SYTL3: variants seen among roughly 807,000 people sequenced by gnomAD.
The protein encoded by SYTL3 is synaptotagmin like 3.
In SYTL3, 88 loss-of-function variants were observed where a neutral mutation model predicts 82.1. That is an observed-to-expected ratio of 1.07 (90% CI 0.90 to 1.28). The LOEUF (loss-of-function observed/expected upper bound fraction) is 1.28. SYTL3 is among the 50% of genes most tolerant of loss of function. The pLI is 0.00. For synonymous variants in SYTL3, 311 were observed against 289.4 expected (o/e 1.07, Z -0.76); for missense variants, 831 against 757.6 (o/e 1.10, Z -1.14).
At chr6:158,670,969 A>AT (rs1050885920) in intron 5 of SYTL3, among the ~76,000 whole-genome samples, 2 of 150,992 alleles carry the variant, frequency 1.3e-5, no homozygotes, top group Non-Finnish European at 3.0e-5. Context: ...AGCCCGGCTA[A>AT]TTTTTTTTGT....
rs74371665 is a variant in SYTL3 at position 158,677,961 on chromosome 6, C to G, written c.330-4964C>G. On this transcript the variant is annotated intron_variant, in intron 5 of 17. Transcript: ENST00000611299. ...CTGGAGTGCAGTGGTACAATCTTGG[C>G]TCACTGTAAATTCCACCTCCTGGGC... is the stretch of plus-strand genomic sequence containing the variant. Among the ~76,000 whole-genome samples, 1,096 of 152,218 alleles carry G rather than the reference C, an allele frequency of 7.2e-3. 8 individuals carry two copies. Among genetic ancestry groups the G allele is most frequent in the African/African-American group, 0.025 (1,018 of 41,538 alleles).
rs1782197558 is a variant in SYTL3 at position 158,707,211 on chromosome 6, C to G, written c.395-19C>G. The stretch of plus-strand genomic sequence containing the variant: ...TGCTATTCTTAATAATAAACGCCCT[C>G]TATGGATATCTCTCGCAGGCAAACA... On this transcript the variant is annotated intron_variant, in intron 6 of 17. Transcript: ENST00000611299. The G allele has an allele frequency of 1.9e-6, 3 of 1,613,350 alleles. No homozygotes were observed. Among genetic ancestry groups the G allele is most frequent in the Admixed American group, 1.7e-5 (1 of 60,020 alleles).
chr6:158,675,464 A>G (rs935094), intron 5 of SYTL3, among the ~76,000 whole-genome samples: 64,003 of 152,060 alleles, frequency 0.42, 16,093 homozygotes, highest in African/African-American at 0.71. Context: ...CAATTGAGCT[A>G]GTGGAAAAAA....
intron 6 of SYTL3, among the ~76,000 whole-genome samples, chr6:158,694,349 G>A (rs1780332973): frequency 6.6e-6 from 1 of 151,654 alleles, no homozygotes; most frequent in African/African-American, 2.4e-5. Flanking sequence ...AGGCTGGAGT[G>A]CAGTGGAGTG....
chr6:158,664,868 A>G (rs780441272), intron 4 of SYTL3, among the ~76,000 whole-genome samples: 4 of 151,834 alleles, frequency 2.6e-5, no homozygotes, highest in Non-Finnish European at 5.9e-5. Context: ...TCTTTGCACT[A>G]TGGCTATTTG....
chr6:158,686,808 C>T (rs201597472), intron 6 of SYTL3, among the ~76,000 whole-genome samples: 7 of 152,170 alleles, frequency 4.6e-5, no homozygotes, highest in South Asian at 2.1e-4. Flanking sequence ...AGACACCCTC[C>T]GACCCTGTTG....
At chr6:158,745,689 A>G in intron 12 of SYTL3, 31 bp downstream of exon 12, 4 of 1,507,968 alleles carry the variant, frequency 2.7e-6, no homozygotes, top group Non-Finnish European at 3.6e-6. Flanking sequence ...TTAACATGAG[A>G]CATATTGATT....
chr6:158,760,805 G>A (rs547108299), intron 15 of SYTL3, 60 bp downstream of exon 15: 2 of 1,373,840 alleles, frequency 1.5e-6, no homozygotes, highest in East Asian at 2.3e-5. Context: ...GCCTGGTGCT[G>A]CAGGCAGACT....
At chr6:158,734,873 G>C (rs575437541) in intron 11 of SYTL3, among the ~76,000 whole-genome samples, 1 of 152,162 alleles carries the variant, frequency 6.6e-6, no homozygotes, top group Non-Finnish European at 1.5e-5. Flanking sequence ...TCACAGCTCA[G>C]TCATTCTCAC....
At chr6:158,699,946 C>CA (rs962127122) in intron 6 of SYTL3, among the ~76,000 whole-genome samples, 22 of 115,420 alleles carry the variant, frequency 1.9e-4, no homozygotes, top group African/African-American at 3.3e-4. Flanking sequence ...GATTCTGTCT[C>CA]AAAAAAAAGA....
intron 6 of SYTL3, among the ~76,000 whole-genome samples, chr6:158,691,189 A>G (rs978539588): frequency 6.6e-6 from 1 of 152,108 alleles, no homozygotes; most frequent in Non-Finnish European, 1.5e-5. Flanking sequence ...TCTAATAAAA[A>G]TACAAAAATT....
intron 4 of SYTL3, among the ~76,000 whole-genome samples, chr6:158,664,292 C>T (rs941345276): frequency 2.0e-5 from 3 of 152,224 alleles, no homozygotes; most frequent in African/African-American, 7.2e-5. Flanking sequence ...CGCCTGTCAT[C>T]CCAGCACTTT....
At chr6:158,746,811 G>A (rs1346867353) in intron 12 of SYTL3, among the ~76,000 whole-genome samples, 3 of 120,122 alleles carry the variant, frequency 2.5e-5, no homozygotes, top group Non-Finnish European at 5.4e-5. Context: ...ACAAAGATGA[G>A]CAACTTGTTT....
intron 11 of SYTL3, among the ~76,000 whole-genome samples, chr6:158,735,890 T>C (rs147469733): frequency 1.1e-3 from 163 of 152,310 alleles, no homozygotes; most frequent in African/African-American, 3.8e-3. Flanking sequence ...AGAGGGCAAT[T>C]AGCAGTAGAT....
chr6:158,693,844 C>CTTTTACTTTTTT lies in SYTL3; in HGVS notation c.394+10859_394+10860insACTTTTTTTTTT, dbSNP rs763990639. Among the ~76,000 whole-genome samples, 262 of 55,546 alleles carry CTTTTACTTTTTT rather than the reference C, an allele frequency of 4.7e-3. 8 individuals carry two copies. Among genetic ancestry groups the CTTTTACTTTTTT allele is most frequent in the Middle Eastern group, 8.6e-3 (1 of 116 alleles). 36.4% of individuals were successfully genotyped at this position (55,546 alleles called of 152,430 possible). A position where few individuals can be genotyped will look rare whatever the true frequency, so the allele number is the denominator to read the frequency against. ...AGGTGTGCCACTGCATCCAGCCTTT[C>CTTTTACTTTTTT]TTTTTCTTTTCTTTTTTTTTTTTTT... On this transcript the variant is annotated intron_variant, in intron 6 of 17. Coordinates refer to ENST00000611299, the MANE Select transcript of SYTL3 (RefSeq NM_001242394.2).
At chr6:158,685,595 G>A (rs991993626) in intron 6 of SYTL3, among the ~76,000 whole-genome samples, 2 of 152,182 alleles carry the variant, frequency 1.3e-5, no homozygotes, top group Admixed American at 6.5e-5. Context: ...GAGGTGGGCA[G>A]ATCATCTGAG....
chr6:158,647,820 T>C (rs1459476655), upstream of SYTL3, among the ~76,000 whole-genome samples: 8 of 152,262 alleles, frequency 5.3e-5, no homozygotes, highest in African/African-American at 1.9e-4. Context: ...TTAGGTTTGT[T>C]TTTCAATTTG....
intron 12 of SYTL3, among the ~76,000 whole-genome samples, chr6:158,747,193 G>A (rs1044272984): frequency 1.3e-5 from 2 of 151,908 alleles, no homozygotes; most frequent in African/African-American, 2.4e-5. Flanking sequence ...CCCCGTGTTG[G>A]CCAGGCTGGT....
At chr6:158,747,572 C>G (rs1161745593) in intron 12 of SYTL3, among the ~76,000 whole-genome samples, 1 of 152,200 alleles carries the variant, frequency 6.6e-6, no homozygotes, top group African/African-American at 2.4e-5. Flanking sequence ...GCCTCAGCCT[C>G]CTGAGTAGTT....
Sources: gnomAD v4.1 joint callset for allele counts (sites outside exome capture counted in the v4.1 genomes callset) on GRCh38, gnomAD v4.1.1 for gene constraint, MANE v1.5 for transcripts, NCBI Gene and HGNC (gene_info 2026-07-23, HGNC 2026-07-21) for gene names.